NOS1AP: variants seen among roughly 807,000 people sequenced by gnomAD.
NOS1AP encodes the protein carboxyl-terminal PDZ ligand of neuronal nitric oxide synthase protein.
NOS1AP carries 21 observed loss-of-function variants against 56.2 expected under a neutral mutation model. That is an observed-to-expected ratio of 0.37 (90% confidence interval 0.26 to 0.54). The LOEUF (loss-of-function observed/expected upper bound fraction) is 0.54. Ranked by LOEUF, NOS1AP falls within the 20% of genes least tolerant of loss-of-function variation. NOS1AP has a pLI of 0.84. For synonymous variants in NOS1AP, 270 were observed against 274.6 expected (o/e 0.98, Z 0.17); for missense variants, 522 against 657.8 (o/e 0.79, Z 2.26).
rs562666704 is a variant in NOS1AP at position 162,159,911 on chromosome 1, C to T, written c.177+5435C>T. Among the ~76,000 whole-genome samples the T allele has an allele frequency of 2.2e-4, 33 of 152,254 alleles. 1 individual carries two copies. Among genetic ancestry groups the T allele is most frequent in the Admixed American group, 1.7e-3 (26 of 15,298 alleles). The stretch of plus-strand genomic sequence containing the variant: ...GCTGCAGTGCCCAGCTCCAGCATGT[C>T]ACTGGGTGGCTCCTGACCCCTTCAT... On this transcript the variant is annotated intron_variant, in intron 2 of 9. Transcript: ENST00000361897.
At chr1:162,208,951 G>A (rs996417132) in intron 2 of NOS1AP, among the ~76,000 whole-genome samples, 1 of 152,188 alleles carries the variant, frequency 6.6e-6, no homozygotes, top group Non-Finnish European at 1.5e-5. Context: ...TAAATGCTTA[G>A]AATTTTCTAG....
chr1:162,213,397 T>C (rs1652437227), intron 2 of NOS1AP, among the ~76,000 whole-genome samples: 1 of 152,128 alleles, frequency 6.6e-6, no homozygotes. Flanking sequence ...GGGAGGAGAC[T>C]CTCCCACTGA....
At chr1:162,270,814 G>A (rs951308933) in intron 2 of NOS1AP, among the ~76,000 whole-genome samples, 4 of 152,198 alleles carry the variant, frequency 2.6e-5, no homozygotes, top group Non-Finnish European at 5.9e-5. Context: ...TTAAACCTGA[G>A]GACTGTAGCT....
intron 4 of NOS1AP, among the ~76,000 whole-genome samples, chr1:162,332,652 G>A (rs560727220): frequency 1.3e-5 from 2 of 152,306 alleles, no homozygotes; most frequent in African/African-American, 2.4e-5. Flanking sequence ...ATCAGAAAAC[G>A]TGTATGCATC....
intron 2 of NOS1AP, among the ~76,000 whole-genome samples, chr1:162,173,450 T>G (rs1252136625): frequency 6.6e-6 from 1 of 152,132 alleles, no homozygotes; most frequent in Non-Finnish European, 1.5e-5. Flanking sequence ...ATGTTAGACC[T>G]AAAACCATAA....
chr1:162,366,822 T>A (rs1378905112), intron 9 of NOS1AP: 1 of 612,544 alleles, frequency 1.6e-6, no homozygotes. Flanking sequence ...ATGGTTCTTA[T>A]GTCCCCGCCT....
rs1054698808 is a variant in NOS1AP, at chr1:162,362,997, A to G, written c.940-2407A>G. On this transcript the variant is annotated intron_variant, in intron 8 of 9. Transcript: ENST00000361897. ...ACAACATACTTCTATGACCAAATGTATGGGGCTTTTTCCCACACACCAAGC... is the reference window on the plus strand; with the variant it reads ...ACAACATACTTCTATGACCAAATGTGTGGGGCTTTTTCCCACACACCAAGC... 5 of 778,072 alleles carry G rather than the reference A, an allele frequency of 6.4e-6. No homozygotes were observed. In the South Asian group the frequency reaches 1.7e-4, roughly 27 times the overall value. The allele number at this position is 778,072 out of a possible 1,614,324, so 48.2% of individuals were successfully genotyped here. A position where few individuals can be genotyped will look rare whatever the true frequency, so the allele number is the denominator to read the frequency against.
At chr1:162,121,361 CGCCCATCTCA>C (rs923734906) in intron 1 of NOS1AP, among the ~76,000 whole-genome samples, 8 of 151,778 alleles carry the variant, frequency 5.3e-5, no homozygotes, top group African/African-American at 1.9e-4. Flanking sequence ...TCAAGTGATC[CGCCCATCTCA>C]GCCTCTCAAA....
At chr1:162,084,905 T>C (rs1373434147) in intron 1 of NOS1AP, among the ~76,000 whole-genome samples, 5 of 152,122 alleles carry the variant, frequency 3.3e-5, no homozygotes, top group Admixed American at 2.6e-4. Context: ...GCTCAAGTGA[T>C]CCACCTGCTT....
At chr1:162,150,835 G>T (rs1307082293) in intron 1 of NOS1AP, among the ~76,000 whole-genome samples, 1 of 151,868 alleles carries the variant, frequency 6.6e-6, no homozygotes, top group Admixed American at 6.6e-5. Context: ...GAGTTGTTTG[G>T]GCTTCTTATA....
chr1:162,343,775 C>T, intron 5 of NOS1AP, 60 bp from the exon 6 acceptor site: 1 of 1,594,532 alleles, frequency 6.3e-7, no homozygotes, highest in Non-Finnish European at 8.6e-7. Flanking sequence ...TCATGAGTTT[C>T]TATCCACATG....
At chr1:162,291,550 A>C (rs1655282435) in intron 3 of NOS1AP, among the ~76,000 whole-genome samples, 1 of 152,196 alleles carries the variant, frequency 6.6e-6, no homozygotes, top group Admixed American at 6.5e-5. Context: ...AAAAATTGCT[A>C]ATTCCATAGT....
At chr1:162,264,824 T>A (rs1654368248) in intron 2 of NOS1AP, among the ~76,000 whole-genome samples, 1 of 150,930 alleles carries the variant, frequency 6.6e-6, no homozygotes, top group South Asian at 2.1e-4. Flanking sequence ...CCTTTTTTTT[T>A]TTTTTTCAAG....
chr1:162,129,343 C>CGAT (rs753274776), intron 1 of NOS1AP, among the ~76,000 whole-genome samples: 1 of 152,100 alleles, frequency 6.6e-6, no homozygotes, highest in Non-Finnish European at 1.5e-5. Flanking sequence ...CTCTGCCATC[C>CGAT]AGCCTCATTT....
Position 162,166,483 on chromosome 1 carries a change from T to G in NOS1AP, c.177+12007T>G, listed in dbSNP as rs114863462. On this transcript the variant is annotated intron_variant, in intron 2 of 9. Transcript: ENST00000361897. ...CCCATTGCGGCTGAAGCCTGTCTCT[T>G]CAAACCTCAGCCCAACTTCTGCTTA... Among the ~76,000 whole-genome samples the G allele has an allele frequency of 2.7e-3, 407 of 152,330 alleles. 5 individuals carry two copies. The highest frequency in any genetic ancestry group is 9.2e-3 in the African/African-American group (384 of 41,588).
chr1:162,155,139 G>A (rs1649885955), intron 2 of NOS1AP, among the ~76,000 whole-genome samples: 1 of 151,566 alleles, frequency 6.6e-6, no homozygotes, highest in Non-Finnish European at 1.5e-5. Flanking sequence ...GTTATATGGG[G>A]AGGGTGGAGC....
intron 2 of NOS1AP, among the ~76,000 whole-genome samples, chr1:162,266,583 T>C (rs944577772): frequency 1.3e-5 from 2 of 152,234 alleles, no homozygotes; most frequent in African/African-American, 4.8e-5. Context: ...AGATTACTTT[T>C]TAATTTTGCA....
At chr1:162,094,620 G>A (rs536435225) in intron 1 of NOS1AP, among the ~76,000 whole-genome samples, 3 of 152,292 alleles carry the variant, frequency 2.0e-5, no homozygotes, top group African/African-American at 7.2e-5. Context: ...GCTGGGAAGT[G>A]GACACTTGGC....
intron 2 of NOS1AP, among the ~76,000 whole-genome samples, chr1:162,169,485 C>A (rs1210091201): frequency 6.6e-6 from 1 of 152,182 alleles, no homozygotes; most frequent in African/African-American, 2.4e-5. Context: ...TTCCCATACA[C>A]CCCTGCATTT....
Sources: allele counts gnomAD v4.1 joint callset (sites outside exome capture counted in the v4.1 genomes callset), GRCh38; gene constraint gnomAD v4.1.1; transcripts MANE v1.5; gene names NCBI Gene and HGNC (gene_info 2026-07-23, HGNC 2026-07-21).